The following CLECL1 variants were observed in gnomAD, a reference collection of about 807,000 sequenced individuals.
CLECL1 encodes the protein C-type lectin like 1.
chr12:9,716,530 T>A (rs1192925549), exon 3 of CLECL1: 3 of 239,318 alleles, frequency 1.3e-5, no homozygotes, highest in Middle Eastern at 1.5e-3. Context: ...TTGATTGGTC[T>A]TGAATTTCCC....
At chr12:9,720,819 G>C (rs1866301253), downstream of CLECL1, among the ~76,000 whole-genome samples, 1 of 152,270 alleles carries the variant, frequency 6.6e-6, no homozygotes, top group East Asian at 1.9e-4. Flanking sequence ...ACACTGTTCT[G>C]CCACCCTACA....
At chr12:9,710,414 CAGTT>C in the CLECL1 span, among the ~76,000 whole-genome samples, 2 of 152,124 alleles carry the variant, frequency 1.3e-5, no homozygotes, top group South Asian at 4.1e-4. Flanking sequence ...ATTCTCATGG[CAGTT>C]AGATACACCT....
At chr12:9,718,614 C>T (rs1866267315), downstream of CLECL1, 1 of 626,356 alleles carries the variant, frequency 1.6e-6, no homozygotes, top group African/African-American at 1.8e-5. Context: ...TATGGAGACA[C>T]AACCTTTAAA....
downstream of CLECL1, among the ~76,000 whole-genome samples, chr12:9,713,853 G>A (rs761077834): frequency 6.6e-6 from 1 of 152,264 alleles, no homozygotes; most frequent in African/African-American, 2.4e-5. Context: ...TTATTGCTGG[G>A]AACCAATTTC....
intron 3 of CLECL1, among the ~76,000 whole-genome samples, chr12:9,727,529 G>T (rs1565482944): frequency 6.6e-6 from 1 of 151,582 alleles, no homozygotes; most frequent in Non-Finnish European, 1.5e-5. Context: ...TTCATGCTTG[G>T]TTACTCAGGA....
At chr12:9,717,867 T>C (rs1188344355), downstream of CLECL1, among the ~76,000 whole-genome samples, 4 of 151,900 alleles carry the variant, frequency 2.6e-5, no homozygotes, top group Non-Finnish European at 5.9e-5. Flanking sequence ...CTTCTTTTTC[T>C]GTTTTTTTTT....
chr12:9,711,040 G>A (rs376865871), downstream of CLECL1, among the ~76,000 whole-genome samples: 32 of 152,244 alleles, frequency 2.1e-4, no homozygotes, highest in Middle Eastern at 3.4e-3. Flanking sequence ...CACCTAGAGC[G>A]GCTAAACTAG....
intron 3 of CLECL1, among the ~76,000 whole-genome samples, chr12:9,723,902 A>T (rs1866344536): frequency 1.3e-5 from 2 of 152,114 alleles, no homozygotes; most frequent in South Asian, 4.1e-4. Context: ...AAGGAAGGAA[A>T]ATTGGCCAGG....
the CLECL1 span, chr12:9,708,891 T>C: frequency 3.8e-6 from 1 of 264,954 alleles, no homozygotes; most frequent in South Asian, 5.2e-5. Context: ...CCAGTTCTCT[T>C]CACCACTTCC....
At chr12:9,715,021 T>A (rs1379576371), downstream of CLECL1, among the ~76,000 whole-genome samples, 1 of 152,180 alleles carries the variant, frequency 6.6e-6, no homozygotes, top group East Asian at 1.9e-4. Flanking sequence ...TTTATTCTAC[T>A]TTGGGTCTGA....
intron 1 of CLECL1, 41 bp downstream of exon 1, chr12:9,732,908 G>T: frequency 6.7e-7 from 1 of 1,486,482 alleles, no homozygotes. Flanking sequence ...GAGATAACTA[G>T]TAAAATCTTA....
chr12:9,716,102 C>T (rs1196079361), exon 3 of CLECL1: 2 of 152,330 alleles, frequency 1.3e-5, no homozygotes, highest in Non-Finnish European at 2.9e-5. Context: ...GTTACCAGGG[C>T]CTTCTCTGCC....
chr12:9,720,367 G>A (rs1462145068), downstream of CLECL1, among the ~76,000 whole-genome samples: 1 of 146,894 alleles, frequency 6.8e-6, no homozygotes, highest in African/African-American at 2.5e-5. Flanking sequence ...TTGAGATGGA[G>A]TTTCGCTCTT....
chr12:9,726,896 G>A (rs1045279154), intron 3 of CLECL1, among the ~76,000 whole-genome samples: 7 of 151,906 alleles, frequency 4.6e-5, no homozygotes, highest in African/African-American at 1.7e-4. Context: ...GTGGTTGAGG[G>A]AGCTTGGGAA....
At chr12:9,733,219 C>A, upstream of CLECL1, 2 of 1,613,056 alleles carry the variant, frequency 1.2e-6, no homozygotes, top group Non-Finnish European at 1.7e-6. Context: ...ATCAAGGTAG[C>A]AGATTTCTCG....
intron 3 of CLECL1, among the ~76,000 whole-genome samples, chr12:9,725,130 C>A (rs944331999): frequency 6.6e-6 from 1 of 151,992 alleles, no homozygotes; most frequent in African/African-American, 2.4e-5. Flanking sequence ...ATGAAAAGAA[C>A]CCCTTGACAA....
downstream of CLECL1, among the ~76,000 whole-genome samples, chr12:9,718,421 A>G (rs1183501567): frequency 6.6e-6 from 1 of 151,130 alleles, no homozygotes; most frequent in Non-Finnish European, 1.5e-5. Flanking sequence ...CTCCAGCTAC[A>G]TTTGTGAGTT....
the CLECL1 span, among the ~76,000 whole-genome samples, chr12:9,703,888 G>A: frequency 0.04 from 6,126 of 151,996 alleles, 157 homozygotes; most frequent in Non-Finnish European, 0.057. Context: ...ATTGACTTGC[G>A]TATTCTACAG....
intron 1 of CLECL1, among the ~76,000 whole-genome samples, chr12:9,729,807 C>T (rs993230795): frequency 6.6e-6 from 1 of 151,952 alleles, no homozygotes; most frequent in African/African-American, 2.4e-5. Flanking sequence ...ATATGTAGAC[C>T]CAGCTTCTTT....
Sources: allele counts gnomAD v4.1 joint callset (sites outside exome capture counted in the v4.1 genomes callset), GRCh38; gene constraint gnomAD v4.1.1; transcripts MANE v1.5; gene names NCBI Gene and HGNC (gene_info 2026-07-23, HGNC 2026-07-21).